KLF12: variants seen among roughly 807,000 people sequenced by gnomAD.
The protein encoded by KLF12 is KLF transcription factor 12, also known as Krueppel-like factor 12.
In KLF12, 9 loss-of-function variants were observed where a neutral mutation model predicts 37.8. The observed-to-expected ratio is 0.24, with a 90% confidence interval of 0.14 to 0.42. The LOEUF (loss-of-function observed/expected upper bound fraction) is 0.42. KLF12 is among the 10% of genes least tolerant of loss of function. KLF12 has a pLI of 1.00. For synonymous variants in KLF12, 208 were observed against 202.1 expected, an observed-to-expected ratio of 1.03 and a Z score of -0.25; for missense variants, 411 against 516.0, an observed-to-expected ratio of 0.80 and a Z score of 1.97.
upstream of KLF12, among the ~76,000 whole-genome samples, chr13:74,138,641 C>T (rs549649865): frequency 3.3e-5 from 5 of 152,202 alleles, no homozygotes; most frequent in Non-Finnish European, 5.9e-5. Context: ...ATCTTCATCA[C>T]ATCTTCAGAT....
chr13:74,044,099 T>C (rs532325484), intron 1 of KLF12, among the ~76,000 whole-genome samples: 4 of 152,300 alleles, frequency 2.6e-5, no homozygotes, highest in Non-Finnish European at 4.4e-5. Context: ...TGCCCAGGAA[T>C]ATAAACTACC....
the KLF12 span, among the ~76,000 whole-genome samples, chr13:74,296,709 AG>A: frequency 6.6e-6 from 1 of 152,204 alleles, no homozygotes. Context: ...CTTGCACAGG[AG>A]ATCCTTACAC....
chr13:73,695,700 G>A (rs1874097036), intron 7 of KLF12, 29 bp from the exon 8 acceptor site: 1 of 1,604,146 alleles, frequency 6.2e-7, no homozygotes, highest in African/African-American at 1.3e-5. Context: ...CACAAGCTTT[G>A]GTGCTCCATC....
intron 1 of KLF12, among the ~76,000 whole-genome samples, chr13:74,061,995 G>A (rs1441424235): frequency 2.0e-5 from 3 of 152,106 alleles, no homozygotes; most frequent in Non-Finnish European, 2.9e-5. Context: ...TTGCACTAGT[G>A]CTTGCTTTCA....
intron 5 of KLF12, among the ~76,000 whole-genome samples, chr13:73,797,781 A>G (rs1882069744): frequency 6.6e-6 from 1 of 151,678 alleles, no homozygotes. Context: ...AAAAAAAAAA[A>G]AAAAAAAAAA....
At position 73,844,867 on chromosome 13, in the gene KLF12, C is replaced by T. The variant is rs1347188371; in HGVS notation, c.670+960G>A. 8 of 152,178 alleles carry T rather than the reference C, an allele frequency of 5.3e-5. No individual in the cohort carries two copies. The East Asian group carries it at 1.5e-3, about 29-fold the overall frequency. The allele number at this position is 152,178 out of a possible 1,614,324, so 9.4% of individuals were successfully genotyped here. ...ATCTTAATCCATCATTATTTCTAGG[C>T]TCTGAAGGCAAAGTACATACATATT... On this transcript the variant is annotated intron_variant, in intron 4 of 7. Coordinates refer to ENST00000377669, the MANE Select transcript of KLF12 (RefSeq NM_007249.5).
intron 1 of KLF12, among the ~76,000 whole-genome samples, chr13:74,066,119 A>T (rs1359778701): frequency 6.6e-6 from 1 of 152,104 alleles, no homozygotes; most frequent in African/African-American, 2.4e-5. Flanking sequence ...ACAGGTCAGT[A>T]AGGCCCGTGG....
chr13:73,943,636 A>AT (rs1890289732), intron 3 of KLF12, among the ~76,000 whole-genome samples: 2 of 152,334 alleles, frequency 1.3e-5, no homozygotes, highest in South Asian at 4.1e-4. Flanking sequence ...CCAAACTATG[A>AT]TGACACTGAG....
chr13:74,256,791 T>C, the KLF12 span: 1 of 152,156 alleles, frequency 6.6e-6, no homozygotes, highest in East Asian at 1.9e-4. Flanking sequence ...TGTCATTCAC[T>C]AGTCCCGATT....
chr13:73,919,257 A>C (rs1053353428), intron 3 of KLF12, among the ~76,000 whole-genome samples: 10 of 152,178 alleles, frequency 6.6e-5, no homozygotes, highest in African/African-American at 2.4e-4. Flanking sequence ...TTACCATGAA[A>C]ATTCCTAGAA....
intron 3 of KLF12, among the ~76,000 whole-genome samples, chr13:73,867,137 G>C (rs1405906960): frequency 6.6e-6 from 1 of 152,080 alleles, no homozygotes; most frequent in African/African-American, 2.4e-5. Flanking sequence ...CAATTAAGTA[G>C]TCTAGTTTTT....
the KLF12 span, among the ~76,000 whole-genome samples, chr13:74,187,355 G>A: frequency 6.6e-6 from 1 of 151,810 alleles, no homozygotes; most frequent in African/African-American, 2.4e-5. Flanking sequence ...AAAAACAATC[G>A]CAGGCTCAGT....
At chr13:74,147,192 A>G in the KLF12 span, among the ~76,000 whole-genome samples, 1 of 152,058 alleles carries the variant, frequency 6.6e-6, no homozygotes, top group Non-Finnish European at 1.5e-5. Flanking sequence ...CATTTTTCAC[A>G]TAGTTCAGAC....
the KLF12 span, among the ~76,000 whole-genome samples, chr13:74,214,108 A>G: frequency 1.3e-5 from 2 of 152,268 alleles, no homozygotes; most frequent in East Asian, 1.9e-4. Context: ...AAAGTTACTT[A>G]TGATTTTTAT....
chr13:74,172,056 C>T, the KLF12 span, among the ~76,000 whole-genome samples: 3 of 151,746 alleles, frequency 2.0e-5, no homozygotes, highest in Non-Finnish European at 4.4e-5. Context: ...TGACCCCAGC[C>T]AAATGGCTAT....
At chr13:74,242,057 C>G in the KLF12 span, among the ~76,000 whole-genome samples, 1 of 152,172 alleles carries the variant, frequency 6.6e-6, no homozygotes, top group Non-Finnish European at 1.5e-5. Context: ...TTTAAAAGTT[C>G]TGTATTTGCA....
At chr13:73,733,682 A>G (rs1877239104) in intron 6 of KLF12, among the ~76,000 whole-genome samples, 1 of 152,150 alleles carries the variant, frequency 6.6e-6, no homozygotes. Context: ...ATACCCAGAA[A>G]TGGAATTGCT....
the KLF12 span, among the ~76,000 whole-genome samples, chr13:74,235,576 A>G: frequency 6.6e-6 from 1 of 152,300 alleles, no homozygotes; most frequent in East Asian, 1.9e-4. Context: ...CCCTCACTCT[A>G]ACTATAAAAA....
At position 74,008,880 on chromosome 13, in the gene KLF12, G is replaced by A. The variant is rs890419693; in HGVS notation, c.-31-13827C>T. Among the ~76,000 whole-genome samples the A allele has an allele frequency of 3.9e-5, 6 of 152,150 alleles. No homozygotes were observed. The East Asian group carries it at 1.2e-3, about 29-fold the overall frequency. On this transcript the variant is annotated intron_variant, in intron 1 of 7. Coordinates refer to ENST00000377669, the MANE Select transcript of KLF12 (RefSeq NM_007249.5). The stretch of plus-strand genomic sequence containing the variant: ...CCCAGTAGCTCCCAACCTGCTTCAG[G>A]CAGGAATAAAATCGATAACTTATGT...
Sources: allele counts gnomAD v4.1 joint callset (sites outside exome capture counted in the v4.1 genomes callset), GRCh38; gene constraint gnomAD v4.1.1; transcripts MANE v1.5; gene names NCBI Gene and HGNC (gene_info 2026-07-23, HGNC 2026-07-21).